BEND3: variants seen among roughly 807,000 people sequenced by gnomAD.
BEND3 encodes the protein BEN domain-containing protein 3.
In BEND3, 13 loss-of-function variants were observed where a neutral mutation model predicts 60.1. That is an observed-to-expected ratio of 0.22 (90% CI 0.14 to 0.34). BEND3 has a LOEUF of 0.34. Ranked by LOEUF, BEND3 falls within the 10% of genes least tolerant of loss-of-function variation. BEND3 has a pLI of 1.00. For missense variants in BEND3, 896 were observed against 1,138.1 expected (o/e 0.79, Z 3.06); for synonymous variants, 497 against 491.5 (o/e 1.01, Z -0.15).
intron 1 of BEND3, among the ~76,000 whole-genome samples, chr6:107,100,489 G>A (rs782376544): frequency 6.6e-6 from 1 of 151,226 alleles, no homozygotes; most frequent in South Asian, 2.1e-4. Flanking sequence ...GGATGGTCTC[G>A]ATCTCCTGAC....
chr6:107,093,067 T>C (rs917794916), intron 3 of BEND3, among the ~76,000 whole-genome samples: 18 of 152,342 alleles, frequency 1.2e-4, no homozygotes, highest in South Asian at 2.1e-4. Context: ...CTTTGACCTA[T>C]AGATTCAGTA....
In BEND3 at chr6:107,070,587, T is replaced by C. The variant is rs782372915; in HGVS notation, c.604A>G (p.Met202Val). Residue 202 changes from methionine (M) to valine (V), a missense_variant, in exon 4 of 4, where the codon ATG (methionine) becomes GTG (valine). Physicochemically the swap from Met to Val is conservative, Grantham distance 21. Coordinates refer to ENST00000369042, the MANE Select transcript of BEND3 (RefSeq NM_001367314.1). The surrounding 1 kb of genome is among the most constrained non-coding windows in gnomAD (Gnocchi z 6.9). The part of the protein sequence containing the change: ...IYFLIQKMFY[M>V]LNTLTSNMSQ... The stretch of plus-strand genomic sequence containing the variant: ...ATGTTGGACGTGAGGGTGTTCAGCA[T>C]GTAGAACATCTTCTGGATCAGGAAG... The C allele has an allele frequency of 3.1e-6, 5 of 1,612,490 alleles. No homozygotes were observed. The highest frequency in any genetic ancestry group is 2.1e-4 in the Middle Eastern group (1 of 4,822).
intron 1 of BEND3, among the ~76,000 whole-genome samples, chr6:107,105,576 G>C (rs528098711): frequency 1.5e-4 from 23 of 152,224 alleles, no homozygotes; most frequent in African/African-American, 5.1e-4. Context: ...GCTGTGGAGA[G>C]AGCAGACAGA....
At chr6:107,089,686 C>T (rs1464402613) in intron 3 of BEND3, among the ~76,000 whole-genome samples, 5 of 150,652 alleles carry the variant, frequency 3.3e-5, no homozygotes, top group African/African-American at 1.2e-4. Context: ...CCTCTGCCTC[C>T]CATGTTCAAG....
At chr6:107,111,378 G>C (rs1762689) in intron 1 of BEND3, among the ~76,000 whole-genome samples, 454 of 152,092 alleles carry the variant, frequency 3.0e-3, no homozygotes, top group African/African-American at 9.9e-3. Context: ...GGGTATGGTA[G>C]TGCATGCCTG....
At chr6:107,079,086 TG>T (rs1775168086) in intron 3 of BEND3, among the ~76,000 whole-genome samples, 1 of 151,958 alleles carries the variant, frequency 6.6e-6, no homozygotes, top group Non-Finnish European at 1.5e-5. Context: ...TACAAGCAAC[TG>T]GATGTCTACA....
At chr6:107,072,126 T>G (rs1437573334) in intron 3 of BEND3, among the ~76,000 whole-genome samples, 1 of 152,214 alleles carries the variant, frequency 6.6e-6, no homozygotes, top group African/African-American at 2.4e-5. Flanking sequence ...CAGTGAGCGC[T>G]GGTGGGTGTC....
chr6:107,114,635 G>A (rs1291666935), intron 1 of BEND3, among the ~76,000 whole-genome samples: 24 of 149,324 alleles, frequency 1.6e-4, no homozygotes, highest in African/African-American at 5.1e-4. Flanking sequence ...CCGAGCGCGA[G>A]CGCCAAGCCG....
Position 107,070,640 on chromosome 6 carries a change from G to A in BEND3, c.551C>T (p.Ala184Val), listed in dbSNP as rs1774954767. The A allele has an allele frequency of 5.6e-6, 9 of 1,612,292 alleles. No individual in the cohort carries two copies. Among genetic ancestry groups the A allele is most frequent in the Non-Finnish European group, 7.6e-6 (9 of 1,179,874 alleles). ...GATGTTGGGGTCGTTGTCAGTGCCT[G>A]CCCCGGTGCTGCCACAGTCCCGCTT... ...PQKRDCGSTGAGTDNDPNIYF... is the reference protein window; with the variant it reads ...PQKRDCGSTGVGTDNDPNIYF... The change falls in exon 4 of 4, where the codon GCA becomes GTA. Residue 184 changes from alanine to valine, a missense_variant. Transcript: ENST00000369042. This position sits in a 1 kb window ranked among gnomAD's most constrained non-coding sequence, Gnocchi z 6.9.
Position 107,069,719 on chromosome 6 carries a change from C to T in BEND3, c.1472G>A (p.Gly491Asp). The T allele has an allele frequency of 1.2e-6, 2 of 1,611,002 alleles. No homozygotes were observed. Among genetic ancestry groups the T allele is most frequent in the Non-Finnish European group, 1.7e-6 (2 of 1,180,002 alleles). ...GTAGCAGTCATCACGCGGGGGGTCG[C>T]CTTCACTGCCCGCGTCCAGCCCCAG... ...EGLGLDAGSEGDPPRDDCYDS... is the reference protein window; with the variant it reads ...EGLGLDAGSEDDPPRDDCYDS... Residue 491 changes from glycine (G) to aspartate (D), a missense_variant, in exon 4 of 4, where the codon GGC (glycine) becomes GAC (aspartate). Physicochemically the swap from Gly to Asp is moderately conservative, Grantham distance 94. Coordinates refer to ENST00000369042, the MANE Select transcript of BEND3 (RefSeq NM_001367314.1).
At position 107,070,589 on chromosome 6, in the gene BEND3, T is replaced by C. The variant is rs782281192; in HGVS notation, c.602A>G (p.Tyr201Cys). Residue 201 changes from tyrosine (Y) to cysteine (C), a missense_variant, in exon 4 of 4, where the codon TAC (tyrosine) becomes TGC (cysteine). Around this residue, in one of 4 missense-constraint regions of BEND3, gnomAD observed 846 missense variants for 1,036.7 expected, o/e 0.82. Coordinates refer to ENST00000369042, the MANE Select transcript of BEND3 (RefSeq NM_001367314.1). The surrounding 1 kb of genome is among the most constrained non-coding windows in gnomAD (Gnocchi z 6.9). ...NIYFLIQKMF[Y>C]MLNTLTSNMS... ...GTTGGACGTGAGGGTGTTCAGCATG[T>C]AGAACATCTTCTGGATCAGGAAGTA... 9 of 1,612,596 alleles carry C rather than the reference T, an allele frequency of 5.6e-6. No individual in the cohort carries two copies. Among genetic ancestry groups the C allele is most frequent in the East Asian group, 2.2e-5 (1 of 44,882 alleles).
At position 107,104,014 on chromosome 6, in the gene BEND3, G is replaced by A. The variant is rs1205911080; in HGVS notation, c.-11-4718C>T. Among the ~76,000 whole-genome samples the A allele has an allele frequency of 4.0e-5, 6 of 151,546 alleles. No homozygotes were observed. The East Asian group carries it at 5.8e-4, about 15-fold the overall frequency. On this transcript the variant is annotated intron_variant, in intron 1 of 3. Coordinates refer to ENST00000369042, the MANE Select transcript of BEND3 (RefSeq NM_001367314.1). The stretch of plus-strand genomic sequence containing the variant: ...AAAAACAAAGAAAAAAGAGAAGGCC[G>A]GGCGTGGTAGCTCACACCTGTAACC...
intron 3 of BEND3, among the ~76,000 whole-genome samples, chr6:107,073,672 G>C (rs1554232406): frequency 1.3e-5 from 2 of 152,064 alleles, no homozygotes; most frequent in Non-Finnish European, 2.9e-5. Context: ...GCTGAGGCAG[G>C]GGATCTCAAG....
chr6:107,077,233 A>C (rs1775118973), intron 3 of BEND3, among the ~76,000 whole-genome samples: 1 of 152,144 alleles, frequency 6.6e-6, no homozygotes, highest in East Asian at 1.9e-4. Context: ...GGCTTCCCAA[A>C]GTGTTGGAAT....
Position 107,068,649 on chromosome 6 carries a change from G to C in BEND3, c.*55C>G, listed in dbSNP as rs1234222894. 6.4e-7 allele frequency: 1 copy of C among 1,569,162 alleles called. No homozygotes were observed. The highest frequency in any genetic ancestry group is 8.6e-7 in the Non-Finnish European group (1 of 1,156,790). ...CTCCCAAGTATTGCTCAGTCCCAAGGGTGCCCATCGCTCAGCCTCTGGTGA... is the reference window on the plus strand; with the variant it reads ...CTCCCAAGTATTGCTCAGTCCCAAGCGTGCCCATCGCTCAGCCTCTGGTGA... On this transcript the variant is annotated 3_prime_UTR_variant, in exon 4 of 4. Transcript: ENST00000369042. This position sits in a 1 kb window ranked among gnomAD's most constrained non-coding sequence, Gnocchi z 5.8.
chr6:107,108,565 G>A (rs78958780), intron 1 of BEND3, among the ~76,000 whole-genome samples: 2,288 of 152,194 alleles, frequency 0.015, 68 homozygotes, highest in African/African-American at 0.051. Context: ...AGCTGATTAG[G>A]GTTCGGGGCA....
At position 107,068,867 on chromosome 6, in the gene BEND3, G is replaced by A. The variant is rs200895711; in HGVS notation, c.2324C>T (p.Thr775Met). ...GACNKKQLDP[T>M]RLRLIRHYVE... ...GTAGTGGCGGATGAGCCGCAGCCGC[G>A]TGGGGTCCAGTTGCTTCTTGTTGCA... The change falls in exon 4 of 4, where the codon ACG becomes ATG. Residue 775 changes from threonine to methionine, a missense_variant. Coordinates refer to ENST00000369042, the MANE Select transcript of BEND3 (RefSeq NM_001367314.1). This position sits in a 1 kb window ranked among gnomAD's most constrained non-coding sequence, Gnocchi z 5.8. 9.9e-6 allele frequency: 16 copies of A among 1,614,022 alleles called. No individual in the cohort carries two copies. Among genetic ancestry groups the A allele is most frequent in the East Asian group, 6.7e-5 (3 of 44,866 alleles).
intron 1 of BEND3, 41 bp downstream of exon 1, chr6:107,115,049 T>TGCC (rs1342165672): frequency 2.1e-5 from 3 of 145,392 alleles, no homozygotes; most frequent in African/African-American, 2.5e-5. Flanking sequence ...CCGCCAACGC[T>TGCC]GCCGCCGCCG....
intron 3 of BEND3, among the ~76,000 whole-genome samples, chr6:107,078,305 C>T (rs572984935): frequency 9.2e-5 from 14 of 152,056 alleles, no homozygotes; most frequent in Admixed American, 6.6e-4. Context: ...GGTCTATGTC[C>T]TGACTGGATG....
Sources: gnomAD v4.1 joint callset for allele counts (sites outside exome capture counted in the v4.1 genomes callset) on GRCh38, gnomAD v4.1.1 for gene constraint, gnomAD v4.1.1 regional missense constraint, Gnocchi (gnomAD v3.1) non-coding constraint, MANE v1.5 for transcripts, NCBI Gene and HGNC (gene_info 2026-07-23, HGNC 2026-07-21) for gene names.